The following TRAF2 variants were observed in gnomAD, a reference collection of about 807,000 sequenced individuals.
TRAF2 encodes the protein TNF receptor associated factor 2.
Under a neutral mutation model 55.6 loss-of-function variants are expected in TRAF2, and 6 were observed. The ratio of observed to expected loss-of-function variants is 0.11; its 90% CI spans 0.06 to 0.21. The LOEUF (loss-of-function observed/expected upper bound fraction) is 0.21, where lower values mean the gene tolerates loss of function less well. Ranked by LOEUF, TRAF2 falls within the 10% of genes least tolerant of loss-of-function variation. The pLI is 1.00. For synonymous variants in TRAF2, 329 were observed against 276.3 expected (o/e 1.19, Z -1.89); for missense variants, 561 against 684.5 (o/e 0.82, Z 2.01).
intron 1 of TRAF2, among the ~76,000 whole-genome samples, chr9:136,892,650 T>G (rs887956558): frequency 6.6e-6 from 1 of 151,878 alleles, no homozygotes; most frequent in Non-Finnish European, 1.5e-5. Context: ...GAGATTGAGG[T>G]GGGCAGATTA....
intron 1 of TRAF2, among the ~76,000 whole-genome samples, chr9:136,896,628 C>T (rs538752136): frequency 6.6e-6 from 1 of 152,058 alleles, no homozygotes; most frequent in Admixed American, 6.5e-5. Flanking sequence ...TTGGGGGGAA[C>T]CGAGTGCCTG....
intron 1 of TRAF2, among the ~76,000 whole-genome samples, chr9:136,892,771 T>C (rs971019972): frequency 4.0e-5 from 6 of 151,884 alleles, no homozygotes; most frequent in African/African-American, 1.5e-4. Context: ...TCCCAGCTAC[T>C]CGGGAGGCTG....
At chr9:136,897,588 C>A (rs547987558) in intron 1 of TRAF2, among the ~76,000 whole-genome samples, 10 of 136,818 alleles carry the variant, frequency 7.3e-5, no homozygotes, top group Non-Finnish European at 1.1e-4. Flanking sequence ...GTTCCGCTCT[C>A]GGGGCTGGAG....
Position 136,925,485 on chromosome 9 carries a change from T to TGGCTGGGGAG in TRAF2, c.1288-187_1288-178dup, listed in dbSNP as rs372396604. Among the ~76,000 whole-genome samples the TGGCTGGGGAG allele has an allele frequency of 4.3e-3, 647 of 152,214 alleles. 3 individuals carry two copies. Among genetic ancestry groups the TGGCTGGGGAG allele is most frequent in the African/African-American group, 0.015 (619 of 41,510 alleles). On this transcript the variant is annotated intron_variant, in intron 10 of 10. Transcript: ENST00000247668. Reference sequence around the variant, plus strand: ...TCCCCAGAGAGAAGCGGAATGCCGGTGGCTGGGGAGGGCTGGGGAGCCCGG... The same window carrying TGGCTGGGGAG: ...TCCCCAGAGAGAAGCGGAATGCCGGTGGCTGGGGAGGGCTGGGGAGGGCTGGGGAGCCCGG...
In TRAF2 at chr9:136,925,990, A is replaced by G. The variant is rs1850522320; in HGVS notation, c.*89A>G. The G allele has an allele frequency of 6.6e-7, 1 of 1,516,092 alleles. No homozygotes were observed. Among genetic ancestry groups the G allele is most frequent in the African/African-American group, 1.4e-5 (1 of 73,036 alleles). 93.9% of individuals were successfully genotyped at this position (1,516,092 alleles called of 1,614,324 possible). On this transcript the variant is annotated 3_prime_UTR_variant, in exon 11 of 11. Transcript: ENST00000247668. ...CCACGCTGGGCCAGGGTCTCACTGT[A>G]CAAGTGGGCAGGGGCCGCGCTTGGG... is the stretch of plus-strand genomic sequence containing the variant.
chr9:136,897,791 T>G, intron 1 of TRAF2, among the ~76,000 whole-genome samples: 1 of 136,008 alleles, frequency 7.4e-6, no homozygotes, highest in African/African-American at 2.8e-5. Context: ...CAGCTCCAGG[T>G]GTGCTACGTT....
At chr9:136,925,226 C>G (rs1850500111) in intron 10 of TRAF2, among the ~76,000 whole-genome samples, 2 of 152,200 alleles carry the variant, frequency 1.3e-5, no homozygotes, top group African/African-American at 4.8e-5. Flanking sequence ...AGGCCCTTGT[C>G]TGTCCTGGGG....
At chr9:136,912,151 C>CTCT (rs1468376221) in intron 6 of TRAF2, among the ~76,000 whole-genome samples, 6 of 115,506 alleles carry the variant, frequency 5.2e-5, no homozygotes, top group Admixed American at 9.6e-5. Context: ...TGCGTCTGGC[C>CTCT]CTTTTTTTTT....
At chr9:136,924,032 C>G in intron 10 of TRAF2, 32 bp downstream of exon 10, 3 of 1,607,726 alleles carry the variant, frequency 1.9e-6, no homozygotes, top group Non-Finnish European at 2.5e-6. Context: ...TCGCTAGGGC[C>G]GCACCTGGGA....
Position 136,908,364 on chromosome 9 carries a change from A to C in TRAF2, c.528+133A>C, listed in dbSNP as rs1219082025. On this transcript the variant is annotated intron_variant, in intron 5 of 10. Coordinates refer to ENST00000247668, the MANE Select transcript of TRAF2 (RefSeq NM_021138.4). ...CCCCCTCGGCCCTTTCCCTGGAGAC[A>C]CGCGGGCGGATGTTTCTTGGCAGAA... The C allele has an allele frequency of 8.9e-6, 9 of 1,011,710 alleles. No individual in the cohort carries two copies. In the East Asian group the frequency reaches 2.4e-4, roughly 27 times the overall value. The allele number at this position is 1,011,710 out of a possible 1,614,324, so 62.7% of individuals were successfully genotyped here.
chr9:136,907,971 A>G (rs1461926063), intron 4 of TRAF2, 99 bp from the exon 5 acceptor site: 20 of 1,477,622 alleles, frequency 1.4e-5, no homozygotes, highest in South Asian at 2.6e-5. Context: ...GCATGCGGAC[A>G]CCAAGCCAGC....
chr9:136,895,067 C>T (rs1027344537), intron 1 of TRAF2, among the ~76,000 whole-genome samples: 2 of 152,184 alleles, frequency 1.3e-5, no homozygotes, highest in African/African-American at 4.8e-5. Context: ...GGGAAGACCT[C>T]TTTCTGGCAC....
intron 6 of TRAF2, among the ~76,000 whole-genome samples, chr9:136,911,264 CTTTTTT>C (rs34077067): frequency 3.3e-5 from 4 of 122,558 alleles, no homozygotes; most frequent in Non-Finnish European, 3.4e-5. Context: ...TCCTTCCCGT[CTTTTTT>C]TTTTTTTTTT....
At chr9:136,884,900 C>G (rs1849417210), upstream of TRAF2, among the ~76,000 whole-genome samples, 1 of 152,230 alleles carries the variant, frequency 6.6e-6, no homozygotes, top group Admixed American at 6.5e-5. Flanking sequence ...CTCAGGACAG[C>G]TTTGAGCCTC....
At chr9:136,900,026 G>A (rs778892839) in intron 3 of TRAF2, among the ~76,000 whole-genome samples, 7 of 152,184 alleles carry the variant, frequency 4.6e-5, no homozygotes, top group Non-Finnish European at 8.8e-5. Flanking sequence ...AATTAGCCGG[G>A]TGTGGTGGCG....
chr9:136,892,883 T>C (rs913985771), intron 1 of TRAF2, among the ~76,000 whole-genome samples: 1 of 152,070 alleles, frequency 6.6e-6, no homozygotes, highest in East Asian at 1.9e-4. Flanking sequence ...CTCACATGAA[T>C]AAATAAATAA....
intron 6 of TRAF2, among the ~76,000 whole-genome samples, chr9:136,910,259 G>A (rs1850072815): frequency 6.6e-6 from 1 of 152,206 alleles, no homozygotes; most frequent in South Asian, 2.1e-4. Flanking sequence ...TCACTTCCTA[G>A]TTATCCTGAA....
chr9:136,908,775 C>T (rs1254480270), intron 5 of TRAF2, among the ~76,000 whole-genome samples: 1 of 147,044 alleles, frequency 6.8e-6, no homozygotes, highest in African/African-American at 2.5e-5. Context: ...GAGGCTAAGG[C>T]GGGAGAATGG....
chr9:136,921,538 T>C (rs1850385081), intron 9 of TRAF2, among the ~76,000 whole-genome samples: 1 of 149,854 alleles, frequency 6.7e-6, no homozygotes, highest in African/African-American at 2.5e-5. Context: ...ATCAACAGGC[T>C]CTCCTGCCTG....
Sources: allele counts gnomAD v4.1 joint callset (sites outside exome capture counted in the v4.1 genomes callset), GRCh38; gene constraint gnomAD v4.1.1; transcripts MANE v1.5; gene names NCBI Gene and HGNC (gene_info 2026-07-23, HGNC 2026-07-21).